The following ZPBP variants were observed in gnomAD, a reference collection of about 807,000 sequenced individuals.
The protein encoded by ZPBP is zona pellucida binding protein, also known as zona pellucida-binding protein 1.
ZPBP carries 26 observed loss-of-function variants against 44.8 expected under a neutral mutation model. That is an observed-to-expected ratio of 0.58 (90% CI 0.43 to 0.81). The LOEUF is 0.81. Among genes scored for constraint, ZPBP ranks in the 30% least tolerant of loss-of-function variants. The pLI is 0.00. For missense variants in ZPBP, 409 were observed against 434.0 expected, an observed-to-expected ratio of 0.94 and a Z score of 0.51; for synonymous variants, 174 against 153.2, an observed-to-expected ratio of 1.14 and a Z score of -1.00.
chr7:49,881,587 G>C (rs1038678824), intron 2 of ZPBP, among the ~76,000 whole-genome samples: 1 of 152,138 alleles, frequency 6.6e-6, no homozygotes, highest in African/African-American at 2.4e-5. Context: ...AATGTGTGCT[G>C]TATCGTTTCT....
intron 2 of ZPBP, among the ~76,000 whole-genome samples, chr7:49,858,827 A>AT (rs1790534582): frequency 6.6e-6 from 1 of 152,216 alleles, no homozygotes; most frequent in Non-Finnish European, 1.5e-5. Flanking sequence ...TGTTTATAAA[A>AT]TTCATACAGA....
At chr7:50,022,569 A>G (rs925877844) in intron 5 of ZPBP, among the ~76,000 whole-genome samples, 1 of 152,118 alleles carries the variant, frequency 6.6e-6, no homozygotes, top group South Asian at 2.1e-4. Context: ...TCTATAAATA[A>G]TGAAACACAA....
intron 7 of ZPBP, among the ~76,000 whole-genome samples, chr7:49,945,541 A>G (rs763222855): frequency 6.6e-6 from 1 of 152,136 alleles, no homozygotes; most frequent in Non-Finnish European, 1.5e-5. Context: ...TGTTAGATTC[A>G]TATATATTAA....
intron 3 of ZPBP, among the ~76,000 whole-genome samples, chr7:50,077,286 T>G (rs910530054): frequency 5.3e-5 from 8 of 151,538 alleles, no homozygotes; most frequent in Non-Finnish European, 1.5e-5. Context: ...TACCTCAAAC[T>G]CTGAAACTAT....
At chr7:50,024,617 A>G (rs1181455215) in intron 5 of ZPBP, among the ~76,000 whole-genome samples, 1 of 151,926 alleles carries the variant, frequency 6.6e-6, no homozygotes, top group Admixed American at 6.6e-5. Context: ...GAAAAAAAAC[A>G]TTGAATACAT....
At chr7:50,071,469 T>C (rs771323921) in intron 3 of ZPBP, among the ~76,000 whole-genome samples, 1 of 152,154 alleles carries the variant, frequency 6.6e-6, no homozygotes, top group Non-Finnish European at 1.5e-5. Flanking sequence ...TGAGTCCTAG[T>C]GCTGAACTAG....
chr7:49,901,916 G>GCTAACACTGTTTGCTAACACTGTTAGC, intron 1 of ZPBP, among the ~76,000 whole-genome samples: 14 of 151,974 alleles, frequency 9.2e-5, no homozygotes, highest in African/African-American at 2.7e-4. Flanking sequence ...TGCTAACAGA[G>GCTAACACTGTTTGCTAACACTGTTAGC]TAAACATAGT....
chr7:49,914,947 G>T (rs1793638272), intron 1 of ZPBP: 1 of 152,152 alleles, frequency 6.6e-6, no homozygotes, highest in Admixed American at 6.5e-5. Context: ...TAAATGATTT[G>T]TTCAAGTTAA....
chr7:49,911,632 C>T (rs551735560), intron 1 of ZPBP, among the ~76,000 whole-genome samples: 1 of 152,054 alleles, frequency 6.6e-6, no homozygotes, highest in East Asian at 1.9e-4. Context: ...TGCAGTGGCT[C>T]ATGCCTGTAA....
rs1358377433 is a variant in ZPBP at position 49,937,531 on chromosome 7, T to C, written c.1053A>G (p.Leu351=). The C allele has an allele frequency of 1.2e-6, 2 of 1,612,396 alleles. No homozygotes were observed. The highest frequency in any genetic ancestry group is 1.7e-6 in the Non-Finnish European group (2 of 1,178,486). ...SSLVYGAKTC[L] ...CTGAATAACTGAAGATAATGGCTTA[T>C]AAGCACGTTTTTGCTCCATACACCA... Residue 351 remains leucine (L), a synonymous_variant, in exon 8 of 8, where the codon TTA becomes TTG. Transcript: ENST00000046087.
At chr7:49,981,317 TA>T (rs1796873181) in intron 7 of ZPBP, among the ~76,000 whole-genome samples, 2 of 62,526 alleles carry the variant, frequency 3.2e-5, no homozygotes, top group Non-Finnish European at 5.4e-5. Context: ...TTATATATTA[TA>T]TAATATATAT....
chr7:49,980,286 TATAA>T (rs1326525364), intron 7 of ZPBP, among the ~76,000 whole-genome samples: 1 of 63,162 alleles, frequency 1.6e-5, no homozygotes, highest in African/African-American at 5.1e-5. Flanking sequence ...ATATATATAA[TATAA>T]ATATATAATA....
downstream of ZPBP, among the ~76,000 whole-genome samples, chr7:49,932,918 C>T (rs1314876214): frequency 6.6e-6 from 1 of 152,118 alleles, no homozygotes; most frequent in African/African-American, 2.4e-5. Context: ...TTGCCTGCCA[C>T]CATGCAAGAC....
intron 2 of ZPBP, among the ~76,000 whole-genome samples, chr7:49,861,127 C>G (rs1466596147): frequency 1.3e-5 from 2 of 152,208 alleles, no homozygotes; most frequent in Non-Finnish European, 2.9e-5. Context: ...TTTCAATTTA[C>G]AAGCATTACA....
rs556378261 is a variant in ZPBP at position 50,077,104 on chromosome 7, G to A, written c.334+4670C>T. On this transcript the variant is annotated intron_variant, in intron 3 of 7. Coordinates refer to ENST00000046087, the MANE Select transcript of ZPBP (RefSeq NM_007009.3). ...CCCAGAAACAAATCCACACATCTAC[G>A]GTGAATTCATTTTTGACAACAGTGC... Among the ~76,000 whole-genome samples, 35 of 151,542 alleles carry A rather than the reference G, an allele frequency of 2.3e-4. 1 individual carries two copies. The highest frequency in any genetic ancestry group is 1.5e-3 in the Admixed American group (23 of 15,198).
intron 2 of ZPBP, among the ~76,000 whole-genome samples, chr7:49,881,842 C>T (rs1254241848): frequency 6.6e-6 from 1 of 151,840 alleles, no homozygotes; most frequent in Non-Finnish European, 1.5e-5. Flanking sequence ...TACTACTAAA[C>T]AGATATTTTT....
chr7:49,857,933 T>G (rs1190389304), intron 2 of ZPBP, among the ~76,000 whole-genome samples: 1 of 152,216 alleles, frequency 6.6e-6, no homozygotes, highest in Non-Finnish European at 1.5e-5. Context: ...CTGATGCTGA[T>G]ACATCAGAGA....
At chr7:49,946,862 A>G (rs1290357495) in intron 7 of ZPBP, among the ~76,000 whole-genome samples, 6 of 152,054 alleles carry the variant, frequency 3.9e-5, no homozygotes, top group Non-Finnish European at 7.4e-5. Flanking sequence ...TATTTTCTAG[A>G]TCTTCTAGAC....
rs200672287 is a variant in ZPBP at position 49,951,539 on chromosome 7, C to CT, written c.962-13918dup. On this transcript the variant is annotated intron_variant, in intron 7 of 7. Coordinates refer to ENST00000046087, the MANE Select transcript of ZPBP (RefSeq NM_007009.3). The stretch of plus-strand genomic sequence containing the variant: ...TTTCACATATACTAGAATGGTTAAA[C>CT]TTTTTTTTTTTTTTTTTAAAAAGGA... 3.3e-3 allele frequency among the ~76,000 whole-genome samples: 452 copies of CT among 138,176 alleles called. 2 individuals are homozygous for CT. The highest frequency in any genetic ancestry group is 7.6e-3 in the Middle Eastern group (2 of 262). 90.6% of individuals were successfully genotyped at this position (138,176 alleles called of 152,430 possible).
Sources: allele counts gnomAD v4.1 joint callset (sites outside exome capture counted in the v4.1 genomes callset), GRCh38; gene constraint gnomAD v4.1.1; transcripts MANE v1.5; gene names NCBI Gene and HGNC (gene_info 2026-07-23, HGNC 2026-07-21).